Variants in CTNND2 observed in about 807,000 individuals in gnomAD.
CTNND2 encodes catenin delta-2.
Under a neutral mutation model 144.4 loss-of-function variants are expected in CTNND2, and 22 were observed. That is an observed-to-expected ratio of 0.15 (90% CI 0.11 to 0.22). The LOEUF (loss-of-function observed/expected upper bound fraction) is 0.22. CTNND2 is among the 10% of genes least tolerant of loss of function. CTNND2 has a pLI of 1.00. For synonymous variants in CTNND2, 751 were observed against 695.6 expected (o/e 1.08, Z -1.25); for missense variants, 1,353 against 1,618.8 (o/e 0.84, Z 2.82).
chr5:11,890,087 T>C (rs1736843434), intron 1 of CTNND2, among the ~76,000 whole-genome samples: 1 of 152,192 alleles, frequency 6.6e-6, no homozygotes, highest in African/African-American at 2.4e-5. Context: ...TACTTTCTCA[T>C]TATAATATCT....
chr5:11,446,988 A>G (rs79729449), intron 3 of CTNND2, among the ~76,000 whole-genome samples: 1 of 150,884 alleles, frequency 6.6e-6, no homozygotes, highest in South Asian at 2.1e-4. Flanking sequence ...TCAGTCCTCA[A>G]TGGCTCTAAC....
chr5:11,262,447 A>C (rs1406573652), intron 9 of CTNND2, among the ~76,000 whole-genome samples: 2 of 152,166 alleles, frequency 1.3e-5, no homozygotes, highest in Admixed American at 1.3e-4. Context: ...AATCATTAAT[A>C]AAAGCCAATT....
In CTNND2 at chr5:11,364,764, C is replaced by T. The variant is rs1463267965; in HGVS notation, c.1304G>A (p.Arg435Lys). ...GTCCCCCTGGCTCTGGCTGAGACTC[C>T]TCATAGGGGGCTTCTGATAGACGCG... Reference protein sequence around the residue: ...EDRVYQKPPMRSLSQSQGDPL... With the variant: ...EDRVYQKPPMKSLSQSQGDPL... Residue 435 changes from arginine (R) to lysine (K), a missense_variant, in exon 8 of 22, where the codon AGG (arginine) becomes AAG (lysine). Coordinates refer to ENST00000304623, the MANE Select transcript of CTNND2 (RefSeq NM_001332.4). 6.2e-7 allele frequency: 1 copy of T among 1,613,754 alleles called. No homozygotes were observed. Among genetic ancestry groups the T allele is most frequent in the African/African-American group, 1.3e-5 (1 of 74,874 alleles).
intron 9 of CTNND2, among the ~76,000 whole-genome samples, chr5:11,239,566 G>A (rs1486879765): frequency 1.3e-5 from 2 of 152,180 alleles, no homozygotes; most frequent in Admixed American, 6.5e-5. Context: ...ACGCAGATAC[G>A]CACACGTGAT....
intron 5 of CTNND2, 65 bp downstream of exon 5, chr5:11,411,471 T>C: frequency 2.5e-6 from 2 of 814,860 alleles, no homozygotes; most frequent in South Asian, 3.0e-5. Context: ...GTAATGATAT[T>C]AGAAATAATG....
Position 11,022,760 on chromosome 5 carries a change from G to A in CTNND2, c.2999+9C>T. ...CAGGACAGAGATATGGCGTCACCAGGTAACTTACTTATCTCCTTTGCTTTT... is the reference window on the plus strand; with the variant it reads ...CAGGACAGAGATATGGCGTCACCAGATAACTTACTTATCTCCTTTGCTTTT... On this transcript the variant is annotated intron_variant, in intron 17 of 21. Transcript: ENST00000304623. 6.2e-7 allele frequency: 1 copy of A among 1,611,550 alleles called. No individual in the cohort carries two copies. The highest frequency in any genetic ancestry group is 8.5e-7 in the Non-Finnish European group (1 of 1,178,294).
intron 16 of CTNND2, among the ~76,000 whole-genome samples, chr5:11,048,004 C>T (rs1016235382): frequency 1.3e-5 from 2 of 152,274 alleles, no homozygotes; most frequent in African/African-American, 2.4e-5. Context: ...TTTCCTAAAT[C>T]GCTCCTCCCA....
intron 1 of CTNND2, among the ~76,000 whole-genome samples, chr5:11,843,549 T>C (rs1318599946): frequency 1.3e-5 from 2 of 152,212 alleles, no homozygotes; most frequent in African/African-American, 4.8e-5. Flanking sequence ...CCTGTGTCCA[T>C]AAACCTGATC....
intron 1 of CTNND2, among the ~76,000 whole-genome samples, chr5:11,817,372 AG>A (rs1250020405): frequency 2.4e-4 from 6 of 24,954 alleles, no homozygotes; most frequent in African/African-American, 1.0e-3. Flanking sequence ...AGAGAGAGAG[AG>A]GGGGGGAGAG....
chr5:11,879,928 C>T (rs976863993), intron 1 of CTNND2, among the ~76,000 whole-genome samples: 5 of 152,070 alleles, frequency 3.3e-5, no homozygotes, highest in Non-Finnish European at 5.9e-5. Context: ...TAGGGACATA[C>T]GACTCAATTT....
Position 11,384,411 on chromosome 5 carries a change from A to G in CTNND2, c.1177+254T>C. On this transcript the variant is annotated intron_variant, in intron 7 of 21. Transcript: ENST00000304623. This position sits in a 1 kb window ranked among gnomAD's most constrained non-coding sequence, Gnocchi z 5.2. Reference sequence around the variant, plus strand: ...TTTAGGCTGGGGAGAGGGCAGAGAGAGAAGAGAGGAGAGAAGAGAGTGATA... The same window carrying G: ...TTTAGGCTGGGGAGAGGGCAGAGAGGGAAGAGAGGAGAGAAGAGAGTGATA... 3.9e-6 allele frequency: 2 copies of G among 516,444 alleles called. No individual in the cohort carries two copies. Among genetic ancestry groups the G allele is most frequent in the Non-Finnish European group, 6.8e-6 (2 of 293,886 alleles). 32.0% of individuals were successfully genotyped at this position (516,444 alleles called of 1,614,324 possible). A position where few individuals can be genotyped will look rare whatever the true frequency, so the allele number is the denominator to read the frequency against.
intron 2 of CTNND2, among the ~76,000 whole-genome samples, chr5:11,690,742 C>CAAAAAAAAAAAAA (rs58799389): frequency 1.4e-4 from 5 of 36,532 alleles, no homozygotes; most frequent in Non-Finnish European, 3.0e-4. Flanking sequence ...GACTCCGTCT[C>CAAAAAAAAAAAAA]AAAAAAAAAA....
chr5:11,481,708 T>C (rs1392659207), intron 3 of CTNND2, among the ~76,000 whole-genome samples: 1 of 152,008 alleles, frequency 6.6e-6, no homozygotes, highest in Non-Finnish European at 1.5e-5. Flanking sequence ...TAAAAGGAAT[T>C]ATCTGGGTGC....
chr5:11,668,524 C>A (rs1783697693), intron 2 of CTNND2, among the ~76,000 whole-genome samples: 2 of 151,762 alleles, frequency 1.3e-5, no homozygotes, highest in Admixed American at 1.3e-4. Context: ...CTCTTTGCAG[C>A]AATTGTGAAT....
chr5:11,041,293 G>A (rs943263058), intron 16 of CTNND2, among the ~76,000 whole-genome samples: 1 of 152,142 alleles, frequency 6.6e-6, no homozygotes, highest in African/African-American at 2.4e-5. Context: ...ACTTTTTTAA[G>A]AACATTCATA....
intron 2 of CTNND2, among the ~76,000 whole-genome samples, chr5:11,696,255 T>A (rs890943791): frequency 1.3e-5 from 2 of 152,046 alleles, no homozygotes; most frequent in Non-Finnish European, 2.9e-5. Flanking sequence ...AGGCGCTGGT[T>A]GAATTTCACC....
At chr5:11,367,103 C>A (rs1336653678) in intron 7 of CTNND2, among the ~76,000 whole-genome samples, 2 of 152,180 alleles carry the variant, frequency 1.3e-5, no homozygotes, top group African/African-American at 4.8e-5. Flanking sequence ...ACTATAAGCT[C>A]ATAGTGTTTC....
intron 1 of CTNND2, among the ~76,000 whole-genome samples, chr5:11,807,448 T>C (rs376040916): frequency 1.3e-5 from 2 of 152,276 alleles, no homozygotes; most frequent in Non-Finnish European, 1.5e-5. Flanking sequence ...TTACGTGATA[T>C]TCAGAAGGCT....
In CTNND2 at chr5:11,437,771, C is replaced by G. The variant is rs191282009; in HGVS notation, c.288-25702G>C. Reference sequence around the variant, plus strand: ...GTCCCAGTTGATAAACTGGGGAACCCAAATGTCAATATTTGGCATTTATTC... The same window carrying G: ...GTCCCAGTTGATAAACTGGGGAACCGAAATGTCAATATTTGGCATTTATTC... On this transcript the variant is annotated intron_variant, in intron 3 of 21. Transcript: ENST00000304623. 3.3e-3 allele frequency among the ~76,000 whole-genome samples: 496 copies of G among 152,264 alleles called. 6 individuals are homozygous for G. The highest frequency in any genetic ancestry group is 0.012 in the African/African-American group (478 of 41,544).
Sources: allele counts gnomAD v4.1 joint callset (sites outside exome capture counted in the v4.1 genomes callset), GRCh38; gene constraint gnomAD v4.1.1; non-coding constraint Gnocchi (gnomAD v3.1); transcripts MANE v1.5; gene names NCBI Gene and HGNC (gene_info 2026-07-23, HGNC 2026-07-21).